The following CCNJL variants were observed in gnomAD, a reference collection of about 807,000 sequenced individuals.
CCNJL encodes the protein cyclin-J-like protein.
CCNJL carries 33 observed loss-of-function variants against 33.4 expected under a neutral mutation model. The ratio of observed to expected loss-of-function variants is 0.99; its 90% CI spans 0.75 to 1.32. The LOEUF (loss-of-function observed/expected upper bound fraction) is 1.32. Among genes scored for constraint, CCNJL ranks in the 40% most tolerant of loss-of-function variants. The probability of loss-of-function intolerance (pLI) is 0.00; values close to 1 mark genes in which losing one functional copy is unlikely to be tolerated. For synonymous variants in CCNJL, 227 were observed against 220.9 expected (o/e 1.03, Z -0.24); for missense variants, 512 against 499.7 (o/e 1.02, Z -0.23).
At chr5:160,308,788 AG>A (rs895059872) in intron 2 of CCNJL, among the ~76,000 whole-genome samples, 2 of 152,252 alleles carry the variant, frequency 1.3e-5, no homozygotes, top group African/African-American at 4.8e-5. Context: ...AACAAAAAAC[AG>A]AAAAACACTT....
chr5:160,321,071 TTTCTTTCTTTCTTTCTTTCC>T (rs1471628366), intron 1 of CCNJL, among the ~76,000 whole-genome samples: 29 of 104,552 alleles, frequency 2.8e-4, no homozygotes, highest in African/African-American at 1.1e-3. Context: ...TCTTTCTTTC[TTTCTTTCTTTCTTTCTTTCC>T]TTCTCTCTTT....
chr5:160,277,968 C>A (rs533030249), intron 3 of CCNJL, among the ~76,000 whole-genome samples: 5 of 152,186 alleles, frequency 3.3e-5, no homozygotes, highest in Non-Finnish European at 7.4e-5. Context: ...AATGCAATGG[C>A]ATGATCTCAG....
In CCNJL at chr5:160,303,506, G is replaced by A. The variant is rs116202073; in HGVS notation, c.66+8352C>T. Among the ~76,000 whole-genome samples the A allele has an allele frequency of 5.0e-3, 751 of 148,974 alleles. 7 individuals carry two copies. The highest frequency in any genetic ancestry group is 0.018 in the African/African-American group (717 of 40,566). On this transcript the variant is annotated intron_variant, in intron 2 of 5. Transcript: ENST00000257536. The stretch of plus-strand genomic sequence containing the variant: ...CAGGCGTAAGCCACTGCACTCGGCC[G>A]GTATTTTCCATTTTTACAAAAAAAA...
At position 160,259,411 on chromosome 5, in the gene CCNJL, C is replaced by T. The variant is rs529457902; in HGVS notation, c.583+58G>A. On this transcript the variant is annotated intron_variant, in intron 4 of 5. Coordinates refer to ENST00000257536, the MANE Select transcript of CCNJL (RefSeq NM_001308173.3). ...CATGCCTTTTAGAGCCGCCTGACCC[C>T]GACCCCTGGGTGGTGGGGAAGGGGT... 6.5e-5 allele frequency: 99 copies of T among 1,534,264 alleles called. 1 individual carries two copies. In the African/African-American group the frequency reaches 1.1e-3, roughly 17 times the overall value.
chr5:160,318,692 T>C (rs1763405762), intron 1 of CCNJL, among the ~76,000 whole-genome samples: 1 of 152,230 alleles, frequency 6.6e-6, no homozygotes, highest in East Asian at 1.9e-4. Context: ...GCGTGTTGAT[T>C]GGATGTGCAT....
chr5:160,328,412 T>G (rs1388742076), intron 1 of CCNJL, among the ~76,000 whole-genome samples: 5 of 152,092 alleles, frequency 3.3e-5, no homozygotes, highest in Admixed American at 1.3e-4. Flanking sequence ...TGGACTGGTG[T>G]TGGAATAACG....
Position 160,283,775 on chromosome 5 carries a change from T to C in CCNJL, c.67-3037A>G, listed in dbSNP as rs1168752763. On this transcript the variant is annotated intron_variant, in intron 2 of 5. Coordinates refer to ENST00000257536, the MANE Select transcript of CCNJL (RefSeq NM_001308173.3). ...TCCCCACCTCCCCCACAACCCCCAC[T>C]ACCCTTCCCAGCCTTTGGTAACCAT... Among the ~76,000 whole-genome samples the C allele has an allele frequency of 6.9e-5, 10 of 145,598 alleles. 1 individual carries two copies. The highest frequency in any genetic ancestry group is 2.5e-4 in the African/African-American group (10 of 40,452).
intron 2 of CCNJL, among the ~76,000 whole-genome samples, chr5:160,295,670 T>C (rs1181714783): frequency 6.6e-6 from 1 of 151,904 alleles, no homozygotes; most frequent in Non-Finnish European, 1.5e-5. Flanking sequence ...CTTGTGAAGA[T>C]GGAGGCAGAA....
At chr5:160,260,308 G>A (rs528118920) in intron 3 of CCNJL, among the ~76,000 whole-genome samples, 2 of 152,278 alleles carry the variant, frequency 1.3e-5, no homozygotes, top group Admixed American at 6.5e-5. Flanking sequence ...CTGTGTAAAC[G>A]GGGTCTTAGT....
chr5:160,318,712 G>C (rs1310618601), intron 1 of CCNJL, among the ~76,000 whole-genome samples: 1 of 152,178 alleles, frequency 6.6e-6, no homozygotes, highest in African/African-American at 2.4e-5. Context: ...TGTATCGAGA[G>C]TGAAATAAAA....
At chr5:160,305,618 G>A (rs1021656508) in intron 2 of CCNJL, among the ~76,000 whole-genome samples, 1 of 152,228 alleles carries the variant, frequency 6.6e-6, no homozygotes, top group African/African-American at 2.4e-5. Flanking sequence ...TAGTGTCATG[G>A]ATGACAGAAC....
At position 160,249,913 on chromosome 5, in the gene CCNJL, T is replaced by A. The variant is rs1760763225; in HGVS notation, c.*3465A>T. ...ATGCCTGAATGACCAAGAAGCTGGC[T>A]AAAGTGCAGATTCCAGGTCCCCACC... On this transcript the variant is annotated 3_prime_UTR_variant, in exon 6 of 6. Transcript: ENST00000257536. The A allele has an allele frequency of 1.3e-5, 2 of 152,048 alleles. No individual in the cohort carries two copies. Among genetic ancestry groups the A allele is most frequent in the Non-Finnish European group, 2.9e-5 (2 of 68,028 alleles). 9.4% of individuals were successfully genotyped at this position (152,048 alleles called of 1,614,324 possible).
At chr5:160,327,869 T>A (rs1194658682) in intron 1 of CCNJL, among the ~76,000 whole-genome samples, 2 of 151,568 alleles carry the variant, frequency 1.3e-5, no homozygotes, top group East Asian at 3.9e-4. Flanking sequence ...GAACAAATTG[T>A]AAACAAACAA....
At chr5:160,255,489 G>C (rs1168850081) in intron 5 of CCNJL, 60 bp downstream of exon 5, 3 of 1,517,572 alleles carry the variant, frequency 2.0e-6, no homozygotes, top group African/African-American at 2.7e-5. Flanking sequence ...CCTGAGGCAG[G>C]CCTCAAGGCA....
intron 2 of CCNJL, among the ~76,000 whole-genome samples, chr5:160,297,553 G>A (rs1055059917): frequency 2.0e-5 from 3 of 150,878 alleles, no homozygotes; most frequent in East Asian, 1.9e-4. Flanking sequence ...AGTGGTTCAC[G>A]CCTGTAAGCC....
intron 5 of CCNJL, chr5:160,254,001 T>C (rs1373486010): frequency 4.1e-6 from 2 of 482,094 alleles, no homozygotes; most frequent in Non-Finnish European, 7.2e-6. Flanking sequence ...AGCTTGGATC[T>C]GCTTCCTACA....
chr5:160,324,162 GA>G (rs755236478), intron 1 of CCNJL, among the ~76,000 whole-genome samples: 59 of 152,302 alleles, frequency 3.9e-4, no homozygotes, highest in Admixed American at 6.5e-4. Flanking sequence ...CAAAGGGTAT[GA>G]ATAGTTTTAA....
intron 2 of CCNJL, among the ~76,000 whole-genome samples, chr5:160,302,979 G>C (rs1187359094): frequency 6.6e-6 from 1 of 152,104 alleles, no homozygotes; most frequent in Non-Finnish European, 1.5e-5. Flanking sequence ...CTTCTGCGGA[G>C]GGAAATTTGG....
intron 3 of CCNJL, among the ~76,000 whole-genome samples, chr5:160,273,191 G>T (rs1761898568): frequency 6.6e-6 from 1 of 152,202 alleles, no homozygotes; most frequent in Non-Finnish European, 1.5e-5. Flanking sequence ...CCTAGGGGAA[G>T]GTACAAGGTT....
Sources: gnomAD v4.1 joint callset for allele counts (sites outside exome capture counted in the v4.1 genomes callset) on GRCh38, gnomAD v4.1.1 for gene constraint, MANE v1.5 for transcripts, NCBI Gene and HGNC (gene_info 2026-07-23, HGNC 2026-07-21) for gene names.